CR1: variants seen among roughly 807,000 people sequenced by gnomAD.
The protein encoded by CR1 is complement receptor type 1.
In CR1, 116 loss-of-function variants were observed where a neutral mutation model predicts 187.3. That is an observed-to-expected ratio of 0.62 (90% confidence interval 0.53 to 0.72). The LOEUF (loss-of-function observed/expected upper bound fraction) is 0.72, where lower values mean the gene tolerates loss of function less well. Ranked by LOEUF, CR1 falls within the 30% of genes least tolerant of loss-of-function variation. The pLI, the probability that CR1 is intolerant of heterozygous loss-of-function variation, is 0.00. For missense variants in CR1, 1,731 were observed against 2,110.7 expected (o/e 0.82, Z 3.52); for synonymous variants, 576 against 747.1 (o/e 0.77, Z 3.73).
chr1:207,566,041 A>G (rs1186271427), intron 24 of CR1, 118 bp downstream of exon 24: 7 of 1,357,272 alleles, frequency 5.2e-6, no homozygotes, highest in Non-Finnish European at 7.1e-6. Flanking sequence ...CGATTTAAAA[A>G]TAGTTTATTT....
intron 4 of CR1, among the ~76,000 whole-genome samples, chr1:207,521,614 T>C (rs1474527259): frequency 6.8e-6 from 1 of 146,512 alleles, no homozygotes; most frequent in Admixed American, 6.9e-5. Context: ...TTTCCAAATC[T>C]GCCCTCTTCC....
chr1:207,517,618 G>A (rs575476061), intron 4 of CR1, among the ~76,000 whole-genome samples: 7 of 152,248 alleles, frequency 4.6e-5, no homozygotes, highest in South Asian at 2.1e-4. Flanking sequence ...GAATTCAGCA[G>A]TGAAGCAATC....
chr1:207,622,052 T>A, intron 44 of CR1, 56 bp downstream of exon 44: 1 of 1,367,390 alleles, frequency 7.3e-7, no homozygotes, highest in African/African-American at 1.4e-5. Context: ...AGTAAGTACC[T>A]ACCTATAATG....
intron 1 of CR1, among the ~76,000 whole-genome samples, chr1:207,502,571 G>A (rs1430363224): frequency 6.6e-6 from 1 of 152,234 alleles, no homozygotes; most frequent in African/African-American, 2.4e-5. Flanking sequence ...ACTGAAAAAG[G>A]GGAAAGGGCC....
Position 207,640,476 on chromosome 1 carries a change from G to T in CR1, c.*1067G>T, listed in dbSNP as rs1324423804. 1.3e-5 allele frequency: 2 copies of T among 152,150 alleles called. No homozygotes were observed. The highest frequency in any genetic ancestry group is 2.9e-5 in the Non-Finnish European group (2 of 68,034). The allele number at this position is 152,150 out of a possible 1,614,324, so 9.4% of individuals were successfully genotyped here. A position where few individuals can be genotyped will look rare whatever the true frequency, so the allele number is the denominator to read the frequency against. ...AAACTTTAATTCAAAAGCACTTTGT[G>T]CTGTGTTCTATATAAAAAACATAAT... On this transcript the variant is annotated 3_prime_UTR_variant, in exon 47 of 47. Coordinates refer to ENST00000367049, the MANE Select transcript of CR1 (RefSeq NM_000651.6).
intron 3 of CR1, among the ~76,000 whole-genome samples, chr1:207,510,764 T>TCCTTCCTTCCTTCCTC (rs1558217058): frequency 2.0e-5 from 3 of 150,528 alleles, no homozygotes; most frequent in South Asian, 2.1e-4. Flanking sequence ...CTTCCTTCCT[T>TCCTTCCTTCCTTCCTC]CCTCCCTCCC....
intron 1 of CR1, among the ~76,000 whole-genome samples, chr1:207,498,201 G>A (rs570310058): frequency 6.6e-6 from 1 of 152,184 alleles, no homozygotes; most frequent in Non-Finnish European, 1.5e-5. Flanking sequence ...ACAGTGTTTT[G>A]TAATCTGAAA....
Position 207,637,344 on chromosome 1 carries a change from G to A in CR1, c.7458-2053G>A, listed in dbSNP as rs546670499. Among the ~76,000 whole-genome samples the A allele has an allele frequency of 2.9e-4, 44 of 152,232 alleles. No homozygotes were observed. In the East Asian group the frequency reaches 3.3e-3, roughly 11 times the overall value. ...GAGGTGCCCAATCTATAATAGTTCCGAATTCACTGTTTTGTAATATCACCG... is the reference window on the plus strand; with the variant it reads ...GAGGTGCCCAATCTATAATAGTTCCAAATTCACTGTTTTGTAATATCACCG... On this transcript the variant is annotated intron_variant, in intron 46 of 46. Transcript: ENST00000367049.
At position 207,584,785 on chromosome 1, in the gene CR1, T is replaced by C; in HGVS notation, c.5439T>C (p.Ile1813=). 4.3e-6 allele frequency: 7 copies of C among 1,613,762 alleles called. No homozygotes were observed. Among genetic ancestry groups the C allele is most frequent in the Non-Finnish European group, 5.9e-6 (7 of 1,179,796 alleles). ...HPDRGMTFNL[I]GESTIRCTSD... ...ACAGAGGGATGACCTTCAACCTCAT[T>C]GGGGAGAGCACCATCCGCTGCACAA... is the stretch of plus-strand genomic sequence containing the variant. Residue 1813 remains isoleucine (I), a synonymous_variant, in exon 33 of 47, where the codon ATT becomes ATC. Transcript: ENST00000367049.
At chr1:207,632,927 A>G (rs922685760) in intron 46 of CR1, among the ~76,000 whole-genome samples, 1 of 152,074 alleles carries the variant, frequency 6.6e-6, no homozygotes, top group South Asian at 2.1e-4. Context: ...TCAGAGTGCT[A>G]TGGGGGAAAA....
At chr1:207,583,713 T>G (rs1268119597) in intron 32 of CR1, among the ~76,000 whole-genome samples, 1 of 152,208 alleles carries the variant, frequency 6.6e-6, no homozygotes, top group Non-Finnish European at 1.5e-5. Flanking sequence ...AAATGATAAT[T>G]TCATCTTACA....
At chr1:207,587,357 T>C (rs1318651979) in intron 33 of CR1, 29 bp from the exon 34 acceptor site, 1 of 1,588,880 alleles carries the variant, frequency 6.3e-7, no homozygotes, top group South Asian at 1.1e-5. Flanking sequence ...CTCTGCTAAC[T>C]TTGATATTCC....
chr1:207,573,619 T>G (rs1159387369), intron 27 of CR1, among the ~76,000 whole-genome samples: 1 of 151,904 alleles, frequency 6.6e-6, no homozygotes, highest in Non-Finnish European at 1.5e-5. Flanking sequence ...ACACTCTCCT[T>G]TTCATATTTG....
At position 207,578,112 on chromosome 1, in the gene CR1, G is replaced by A; in HGVS notation, c.4845G>A (p.Arg1615=). 6.2e-7 allele frequency: 1 copy of A among 1,611,814 alleles called. No homozygotes were observed. Among genetic ancestry groups the A allele is most frequent in the African/African-American group, 1.3e-5 (1 of 74,972 alleles). Residue 1615 remains arginine (R), a synonymous_variant, in exon 29 of 47, where the codon AGG becomes AGA. Transcript: ENST00000367049. Reference sequence around the variant, plus strand: ...CCTTAAATGAAGTTGTGGAGTTTAGGTGTCAGCCTGGCTTTGTCATGAAAG... The same window carrying A: ...CCTTAAATGAAGTTGTGGAGTTTAGATGTCAGCCTGGCTTTGTCATGAAAG... ...LFSLNEVVEF[R]CQPGFVMKGP... is the part of the protein sequence containing the mutation.
chr1:207,502,005 C>T (rs1659285489), intron 1 of CR1, among the ~76,000 whole-genome samples: 1 of 151,780 alleles, frequency 6.6e-6, no homozygotes, highest in Admixed American at 6.6e-5. Context: ...TGGGCCCTAA[C>T]CTAGACCCAC....
chr1:207,565,783 C>T, intron 23 of CR1, 55 bp from the exon 24 acceptor site: 1 of 1,606,512 alleles, frequency 6.2e-7, no homozygotes, highest in Non-Finnish European at 8.5e-7. Flanking sequence ...AGATTGTGAA[C>T]TAAGTGTCCT....
intron 34 of CR1, among the ~76,000 whole-genome samples, chr1:207,587,877 TC>T (rs1257176398): frequency 6.6e-6 from 1 of 152,250 alleles, no homozygotes; most frequent in African/African-American, 2.4e-5. Context: ...TGCTTGTAGT[TC>T]CTGAACCTTG....
At position 207,577,890 on chromosome 1, in the gene CR1, G is replaced by T. The variant is rs753702946; in HGVS notation, c.4623G>T (p.Val1541=). Residue 1541 remains valine (V), a synonymous_variant, in exon 29 of 47, where the codon GTG becomes GTT. Transcript: ENST00000367049. ...AGAATTTTCACTATGGATCAGTGGTGACCTACCGCTGCAATCTTGGAAGCA... is the reference window on the plus strand; with the variant it reads ...AGAATTTTCACTATGGATCAGTGGTTACCTACCGCTGCAATCTTGGAAGCA... ...NRENFHYGSV[V]TYRCNLGSRG... The T allele has an allele frequency of 6.2e-7, 1 of 1,613,490 alleles. No individual in the cohort carries two copies.
chr1:207,607,222 G>T, intron 35 of CR1, 29 bp from the exon 36 acceptor site: 1 of 1,536,074 alleles, frequency 6.5e-7, no homozygotes, highest in Non-Finnish European at 9.0e-7. Context: ...TATGTGTAGC[G>T]TATAACCATT....
Sources: gnomAD v4.1 joint callset for allele counts (sites outside exome capture counted in the v4.1 genomes callset) on GRCh38, gnomAD v4.1.1 for gene constraint, MANE v1.5 for transcripts, NCBI Gene and HGNC (gene_info 2026-07-23, HGNC 2026-07-21) for gene names.